COL23A1: variants seen among roughly 807,000 people sequenced by gnomAD.
COL23A1 encodes collagen type XXIII alpha 1 chain, also known as collagen alpha-1(XXIII) chain.
A neutral mutation model predicts 99.3 loss-of-function variants in COL23A1; 97 were observed. The ratio of observed to expected loss-of-function variants is 0.98; its 90% CI spans 0.83 to 1.16. The LOEUF (loss-of-function observed/expected upper bound fraction) is 1.16. Among genes scored for constraint, COL23A1 ranks in the 50% most tolerant of loss-of-function variants. The pLI is 0.00. For missense variants in COL23A1, 762 were observed against 757.4 expected, an observed-to-expected ratio of 1.01 and a Z score of -0.07; for synonymous variants, 320 against 308.2, an observed-to-expected ratio of 1.04 and a Z score of -0.40.
intron 1 of COL23A1, among the ~76,000 whole-genome samples, chr5:178,576,473 T>A (rs1207830271): frequency 6.6e-5 from 10 of 152,324 alleles, no homozygotes; most frequent in African/African-American, 2.4e-4. Flanking sequence ...GACCTCGTGA[T>A]CCACCCGCCT....
intron 2 of COL23A1, among the ~76,000 whole-genome samples, chr5:178,328,190 C>A (rs1288535276): frequency 6.6e-6 from 1 of 152,186 alleles, no homozygotes; most frequent in African/African-American, 2.4e-5. Context: ...ATGTCTGGGG[C>A]CATCCTTCCT....
chr5:178,290,923 C>T (rs186566409), intron 3 of COL23A1, among the ~76,000 whole-genome samples: 2,435 of 152,282 alleles, frequency 0.016, 53 homozygotes, highest in Admixed American at 0.038. Context: ...CACAGAGAAC[C>T]CTTATGAGGC....
chr5:178,350,661 T>C (rs946135625), intron 2 of COL23A1, among the ~76,000 whole-genome samples: 3 of 152,126 alleles, frequency 2.0e-5, no homozygotes, highest in Non-Finnish European at 4.4e-5. Flanking sequence ...GGCGGAGTGA[T>C]TCATTTTGCT....
intron 2 of COL23A1, among the ~76,000 whole-genome samples, chr5:178,329,936 C>CAAAA (rs11367167): frequency 1.5e-5 from 2 of 135,392 alleles, no homozygotes; most frequent in South Asian, 4.7e-4. Context: ...GATTCTGTCT[C>CAAAA]AAAAAAAAAA....
chr5:178,247,592 C>A, intron 21 of COL23A1, 40 bp from the exon 22 acceptor site: 2 of 1,613,238 alleles, frequency 1.2e-6, no homozygotes, highest in Non-Finnish European at 8.5e-7. Context: ...TGGCTCCGGA[C>A]CCTCTTGCAG....
At chr5:178,481,803 C>T (rs965260128) in intron 2 of COL23A1, among the ~76,000 whole-genome samples, 3 of 142,344 alleles carry the variant, frequency 2.1e-5, no homozygotes, top group African/African-American at 5.3e-5. Flanking sequence ...TGTTCTCAGT[C>T]ATAGGTGGGA....
Position 178,384,891 on chromosome 5 carries a change from C to G in COL23A1, c.362-77972G>C, listed in dbSNP as rs113706596. On this transcript the variant is annotated intron_variant, in intron 2 of 28. Coordinates refer to ENST00000390654, the MANE Select transcript of COL23A1 (RefSeq NM_173465.4). This position sits in a 1 kb window ranked among gnomAD's most constrained non-coding sequence, Gnocchi z 5.5. ...GGAAATAGCCTGCAAGGAGGAAGAG[C>G]GCGGTGAGAGGTCAAATGGGTGGCG... Among the ~76,000 whole-genome samples, 137 of 152,256 alleles carry G rather than the reference C, an allele frequency of 9.0e-4. 7 individuals carry two copies. In the South Asian group the frequency reaches 0.028, roughly 31 times the overall value.
chr5:178,339,515 T>C (rs1760533346), intron 2 of COL23A1, among the ~76,000 whole-genome samples: 1 of 152,164 alleles, frequency 6.6e-6, no homozygotes, highest in Non-Finnish European at 1.5e-5. Flanking sequence ...GCTGAAGCCA[T>C]GAGGGGATGG....
At chr5:178,287,413 T>A (rs1757215933) in intron 5 of COL23A1, among the ~76,000 whole-genome samples, 1 of 152,182 alleles carries the variant, frequency 6.6e-6, no homozygotes, top group Non-Finnish European at 1.5e-5. Flanking sequence ...TGTGCCTTCA[T>A]CTCTGCATTC....
At chr5:178,585,729 T>TGGATGGCGCTGGGGTAACGCC (rs1562115562) in intron 1 of COL23A1, among the ~76,000 whole-genome samples, 4 of 11,010 alleles carry the variant, frequency 3.6e-4, no homozygotes, top group Non-Finnish European at 7.0e-4. Context: ...GGGGTAACAC[T>TGGATGGCGCTGGGGTAACGCC]CCACAGCCCT....
chr5:178,346,812 A>G (rs1249847406), intron 2 of COL23A1, among the ~76,000 whole-genome samples: 1 of 152,230 alleles, frequency 6.6e-6, no homozygotes, highest in African/African-American at 2.4e-5. Flanking sequence ...AGTCATATGC[A>G]GCGGCCCGTC....
intron 2 of COL23A1, among the ~76,000 whole-genome samples, chr5:178,519,500 C>T (rs1268172497): frequency 1.3e-5 from 2 of 152,198 alleles, no homozygotes; most frequent in African/African-American, 4.8e-5. Context: ...ACAGGGACTG[C>T]CAGGTGGAAA....
intron 1 of COL23A1, among the ~76,000 whole-genome samples, chr5:178,570,440 G>A (rs1326966711): frequency 6.6e-6 from 1 of 151,854 alleles, no homozygotes; most frequent in Non-Finnish European, 1.5e-5. Flanking sequence ...AATGTACTGT[G>A]GTTATGTACA....
intron 1 of COL23A1, among the ~76,000 whole-genome samples, chr5:178,586,195 G>A (rs1171727018): frequency 6.6e-6 from 1 of 152,226 alleles, no homozygotes; most frequent in Non-Finnish European, 1.5e-5. Flanking sequence ...CTCCTGTAGT[G>A]TGTGCTAAGA....
rs187557333 is a variant in COL23A1, at chr5:178,344,403, A to G, written c.362-37484T>C. 9.2e-3 allele frequency among the ~76,000 whole-genome samples: 1,401 copies of G among 152,256 alleles called. 21 individuals are homozygous for G. The highest frequency in any genetic ancestry group is 0.031 in the African/African-American group (1,292 of 41,564). On this transcript the variant is annotated intron_variant, in intron 2 of 28. Coordinates refer to ENST00000390654, the MANE Select transcript of COL23A1 (RefSeq NM_173465.4). ...TGTAATCCCAGCACCTTGGGAGACCAAGGTGGGTGGATCACCTGAGGTCAG... is the reference window on the plus strand; with the variant it reads ...TGTAATCCCAGCACCTTGGGAGACCGAGGTGGGTGGATCACCTGAGGTCAG...
At chr5:178,555,019 A>C (rs556814010) in intron 2 of COL23A1, among the ~76,000 whole-genome samples, 2 of 152,280 alleles carry the variant, frequency 1.3e-5, no homozygotes, top group African/African-American at 4.8e-5. Context: ...TGGACATAAA[A>C]AGGTACCACA....
chr5:178,361,685 C>A (rs1022207758), intron 2 of COL23A1, among the ~76,000 whole-genome samples: 4 of 152,184 alleles, frequency 2.6e-5, no homozygotes, highest in African/African-American at 9.7e-5. Flanking sequence ...CCAACCCTGA[C>A]GGCTCCCAAT....
intron 2 of COL23A1, among the ~76,000 whole-genome samples, chr5:178,533,105 A>G (rs1380436797): frequency 6.6e-6 from 1 of 152,158 alleles, no homozygotes; most frequent in Non-Finnish European, 1.5e-5. Context: ...AGGGGATTCT[A>G]AGGAAAAATG....
rs1318871746 is a variant in COL23A1 at position 178,589,961 on chromosome 5, C to T, written c.237G>A (p.Gly79=). The T allele has an allele frequency of 7.5e-6, 10 of 1,328,586 alleles. No individual in the cohort carries two copies. Among genetic ancestry groups the T allele is most frequent in the Non-Finnish European group, 9.6e-6 (10 of 1,046,620 alleles). 82.3% of individuals were successfully genotyped at this position (1,328,586 alleles called of 1,614,324 possible). Residue 79 remains glycine, a synonymous_variant, in exon 1 of 29, where the codon GGG becomes GGA. Transcript: ENST00000390654. This position sits in a 1 kb window ranked among gnomAD's most constrained non-coding sequence, Gnocchi z 5.4. ...EEERELLRRA[G]PPGALDAWAE... ...CCCAGGCGTCCAGGGCGCCTGGCGG[C>T]CCCGCGCGCCGCAGCAGCTCCCGCT...
Sources: gnomAD v4.1 joint callset for allele counts (sites outside exome capture counted in the v4.1 genomes callset) on GRCh38, gnomAD v4.1.1 for gene constraint, Gnocchi (gnomAD v3.1) non-coding constraint, MANE v1.5 for transcripts, NCBI Gene and HGNC (gene_info 2026-07-23, HGNC 2026-07-21) for gene names.